The following SAMM50 variants were observed in gnomAD, a reference collection of about 807,000 sequenced individuals.
SAMM50 encodes the protein sorting and assembly machinery component 50 homolog.
In SAMM50, 47 loss-of-function variants were observed where a neutral mutation model predicts 66.9. The ratio of observed to expected loss-of-function variants is 0.70; its 90% CI spans 0.56 to 0.90. SAMM50 has a LOEUF of 0.90. SAMM50 is among the 40% of genes least tolerant of loss of function. The pLI, the probability that SAMM50 is intolerant of heterozygous loss-of-function variation, is 0.00. For missense variants in SAMM50, 535 were observed against 595.3 expected (o/e 0.90, Z 1.05); for synonymous variants, 191 against 214.1 (o/e 0.89, Z 0.94).
chr22:43,966,388 G>T (rs555842744), intron 3 of SAMM50, among the ~76,000 whole-genome samples: 1 of 151,192 alleles, frequency 6.6e-6, no homozygotes, highest in African/African-American at 2.4e-5. Flanking sequence ...ACGGAGTTTC[G>T]CTCTTGTTGC....
intron 2 of SAMM50, among the ~76,000 whole-genome samples, chr22:43,963,978 G>A (rs1276041642): frequency 6.6e-6 from 1 of 151,886 alleles, no homozygotes; most frequent in Non-Finnish European, 1.5e-5. Context: ...CACAATCTTG[G>A]CTCATTGCAA....
At chr22:43,989,068 C>T (rs575443244) in intron 12 of SAMM50, 43 bp from the exon 13 acceptor site, 23 of 1,585,840 alleles carry the variant, frequency 1.5e-5, no homozygotes, top group Non-Finnish European at 1.7e-5. Flanking sequence ...TGATGTTAAC[C>T]TTGTCGGACC....
intron 1 of SAMM50, among the ~76,000 whole-genome samples, chr22:43,962,881 ATTTTTTTTTTT>A (rs58022542): frequency 1.6e-3 from 106 of 65,514 alleles, no homozygotes; most frequent in African/African-American, 5.0e-3. Context: ...CTTTTGGTTA[ATTTTTTTTTTT>A]TTTTTTTTTT....
intron 12 of SAMM50, chr22:43,987,110 G>C (rs2050298580): frequency 6.6e-6 from 1 of 152,184 alleles, no homozygotes; most frequent in Non-Finnish European, 1.5e-5. Context: ...AAGGCATGCT[G>C]GTGTTCCACT....
At chr22:43,969,581 A>G (rs1324535117) in intron 4 of SAMM50, among the ~76,000 whole-genome samples, 3 of 152,234 alleles carry the variant, frequency 2.0e-5, no homozygotes, top group East Asian at 1.9e-4. Flanking sequence ...GGGAGGAGAC[A>G]GTTCACCTGG....
intron 12 of SAMM50, chr22:43,986,919 T>C (rs1404056672): frequency 1.3e-5 from 2 of 152,216 alleles, no homozygotes; most frequent in Non-Finnish European, 2.9e-5. Context: ...AACTACACTC[T>C]GCATAAATTT....
At chr22:43,967,943 C>CG in intron 3 of SAMM50, among the ~76,000 whole-genome samples, 1 of 152,124 alleles carries the variant, frequency 6.6e-6, no homozygotes, top group East Asian at 1.9e-4. Context: ...TTAGAAAGGC[C>CG]GGGCGTGGTG....
At chr22:43,981,061 T>TCCTC (rs1431782182) in intron 10 of SAMM50, among the ~76,000 whole-genome samples, 5 of 152,204 alleles carry the variant, frequency 3.3e-5, no homozygotes, top group African/African-American at 4.8e-5. Context: ...CCTGGCTCCC[T>TCCTC]CCTCTGTGAG....
intron 12 of SAMM50, 45 bp downstream of exon 12, chr22:43,984,045 C>T (rs576303508): frequency 6.5e-7 from 1 of 1,546,064 alleles, no homozygotes; most frequent in Admixed American, 1.8e-5. Flanking sequence ...AGGCTCGCGT[C>T]TCACTTTGGA....
At chr22:43,970,391 AGGGTCCCT>A (rs2050197274) in intron 4 of SAMM50, among the ~76,000 whole-genome samples, 1 of 152,154 alleles carries the variant, frequency 6.6e-6, no homozygotes, top group South Asian at 2.1e-4. Context: ...TGTCATCCCT[AGGGTCCCT>A]GAGTCCCTCT....
chr22:43,976,104 G>A lies in SAMM50; in HGVS notation c.698G>A (p.Arg233Gln), dbSNP rs2050230206. Reference sequence around the variant, plus strand: ...ACTGTCAAGTGGGAAGGCGTATGGCGAGAACTGGGCTGCCTCTCAAGGACG... The same window carrying A: ...ACTGTCAAGTGGGAAGGCGTATGGCAAGAACTGGGCTGCCTCTCAAGGACG... The part of the protein sequence containing the change: ...SHTVKWEGVW[R>Q]ELGCLSRTAS... The change falls in exon 8 of 15, where the codon CGA (arginine) becomes CAA (glutamine). Residue 233 changes from arginine to glutamine, a missense_variant. Physicochemically the swap from Arg to Gln is conservative, Grantham distance 43. Coordinates refer to ENST00000350028, the MANE Select transcript of SAMM50 (RefSeq NM_015380.5). 6.2e-7 allele frequency: 1 copy of A among 1,613,114 alleles called. No individual in the cohort carries two copies. The highest frequency in any genetic ancestry group is 8.5e-7 in the Non-Finnish European group (1 of 1,179,098).
intron 4 of SAMM50, 74 bp from the exon 5 acceptor site, chr22:43,972,162 G>A (rs2050206850): frequency 2.4e-6 from 2 of 824,936 alleles, no homozygotes; most frequent in Admixed American, 5.6e-5. Flanking sequence ...ATTGCTTTTT[G>A]TCTTTTTTAG....
Position 43,983,573 on chromosome 22 carries a change from A to T in SAMM50, c.1008-360A>T, listed in dbSNP as rs2050275420. 6.6e-6 allele frequency among the ~76,000 whole-genome samples: 1 copy of T among 152,102 alleles called. No individual in the cohort carries two copies. Among genetic ancestry groups the T allele is most frequent in the Non-Finnish European group, 1.5e-5 (1 of 68,028 alleles). On this transcript the variant is annotated intron_variant, in intron 11 of 14. Coordinates refer to ENST00000350028, the MANE Select transcript of SAMM50 (RefSeq NM_015380.5). The surrounding 1 kb of genome is among the most constrained non-coding windows in gnomAD (Gnocchi z 4.2). ...CCTGCTCTTCTTCCCCTAATATCGC[A>T]CTGTGAGCCAGTAGGAGGCCCGCCA... is the stretch of plus-strand genomic sequence containing the variant.
At chr22:43,989,711 G>C (rs1011254651) in intron 13 of SAMM50, among the ~76,000 whole-genome samples, 1 of 152,186 alleles carries the variant, frequency 6.6e-6, no homozygotes, top group Non-Finnish European at 1.5e-5. Flanking sequence ...TCTTACAACA[G>C]CTAACATAAT....
At chr22:43,976,910 G>T in intron 9 of SAMM50, 89 bp downstream of exon 9, 1 of 753,708 alleles carries the variant, frequency 1.3e-6, no homozygotes, top group East Asian at 2.7e-5. Flanking sequence ...GGTGGGCCTG[G>T]GGGTGGGCAG....
chr22:43,964,395 G>T, intron 2 of SAMM50, 57 bp from the exon 3 acceptor site: 1 of 834,380 alleles, frequency 1.2e-6, no homozygotes, highest in South Asian at 1.6e-5. Flanking sequence ...CTTTAGTCTT[G>T]ACACCTAATC....
chr22:43,975,446 A>C (rs73890532), intron 7 of SAMM50: 1,788 of 152,752 alleles, frequency 0.012, 36 homozygotes, highest in African/African-American at 0.04. Context: ...ACTGTTCAGA[A>C]AACATTTCTC....
intron 14 of SAMM50, chr22:43,996,063 GAAGGAGGT>G (rs1463230989): frequency 1.9e-6 from 1 of 519,154 alleles, no homozygotes. Flanking sequence ...AGGGGAACGT[GAAGGAGGT>G]GAGGAGGGAG....
At chr22:43,969,655 A>G (rs2146812002) in intron 4 of SAMM50, among the ~76,000 whole-genome samples, 1 of 152,370 alleles carries the variant, frequency 6.6e-6, no homozygotes. Flanking sequence ...GCTGAGACCT[A>G]GAAGATGCAT....
Sources: allele counts gnomAD v4.1 joint callset (sites outside exome capture counted in the v4.1 genomes callset), GRCh38; gene constraint gnomAD v4.1.1; non-coding constraint Gnocchi (gnomAD v3.1); transcripts MANE v1.5; gene names NCBI Gene and HGNC (gene_info 2026-07-23, HGNC 2026-07-21).